The following LRRTM4 variants were observed in gnomAD, a reference collection of about 807,000 sequenced individuals.
LRRTM4 encodes the protein leucine rich repeat transmembrane neuronal 4, also known as leucine-rich repeat transmembrane neuronal protein 4.
LRRTM4 carries 25 observed loss-of-function variants against 47.6 expected under a neutral mutation model. The observed-to-expected ratio is 0.53, with a 90% CI of 0.38 to 0.73. The LOEUF is 0.73. Among genes scored for constraint, LRRTM4 ranks in the 30% least tolerant of loss-of-function variants. LRRTM4 has a pLI of 0.00. For synonymous variants in LRRTM4, 311 were observed against 269.5 expected (o/e 1.15, Z -1.51); for missense variants, 638 against 713.4 (o/e 0.89, Z 1.20).
Position 77,291,470 on chromosome 2 carries a change from T to A in LRRTM4, c.1551+226848A>T, listed in dbSNP as rs78104991. Among the ~76,000 whole-genome samples the A allele has an allele frequency of 6.1e-3, 934 of 152,226 alleles. 12 individuals carry two copies. The highest frequency in any genetic ancestry group is 0.02 in the African/African-American group (849 of 41,564). The stretch of plus-strand genomic sequence containing the variant: ...TTAAGAAGCCATGAATTCGTTTGCA[T>A]GTACATAGGTCTGTCTTATTTAAGT... On this transcript the variant is annotated intron_variant, in intron 3 of 3. Transcript: ENST00000409884.
chr2:77,035,967 G>A (rs1405641402), intron 3 of LRRTM4, among the ~76,000 whole-genome samples: 2 of 151,792 alleles, frequency 1.3e-5, no homozygotes, highest in African/African-American at 4.8e-5. Flanking sequence ...CCTCTCTAGA[G>A]TGTTACAGTG....
chr2:77,363,154 T>G (rs1341767621), intron 3 of LRRTM4, among the ~76,000 whole-genome samples: 1 of 152,224 alleles, frequency 6.6e-6, no homozygotes, highest in Non-Finnish European at 1.5e-5. Context: ...GTGTTATTTG[T>G]CCCTTTAGAA....
At chr2:77,353,407 C>G (rs1382597168) in intron 3 of LRRTM4, among the ~76,000 whole-genome samples, 1 of 152,138 alleles carries the variant, frequency 6.6e-6, no homozygotes, top group Non-Finnish European at 1.5e-5. Context: ...GTAAATTCCT[C>G]AATGACATGC....
chr2:76,968,704 A>G (rs1000683487), intron 3 of LRRTM4, among the ~76,000 whole-genome samples: 1 of 151,610 alleles, frequency 6.6e-6, no homozygotes, highest in African/African-American at 2.4e-5. Context: ...CATGATGTCT[A>G]GTAAATCCAC....
chr2:77,456,198 C>T (rs1055848907), intron 3 of LRRTM4, among the ~76,000 whole-genome samples: 2 of 152,100 alleles, frequency 1.3e-5, no homozygotes, highest in African/African-American at 4.8e-5. Flanking sequence ...TCATTTAATC[C>T]ATAAATTCCT....
chr2:77,042,837 GACCTCTCCCACTCT>G (rs1336627968), intron 3 of LRRTM4, among the ~76,000 whole-genome samples: 3 of 151,630 alleles, frequency 2.0e-5, no homozygotes, highest in Admixed American at 1.3e-4. Context: ...CCAACTTTCT[GACCTCTCCCACTCT>G]TCTTAGACAA....
chr2:77,486,932 A>G (rs1449096513), intron 3 of LRRTM4, among the ~76,000 whole-genome samples: 2 of 152,258 alleles, frequency 1.3e-5, no homozygotes, highest in East Asian at 3.8e-4. Context: ...TACATGCAGA[A>G]AAAAACGCAA....
At chr2:76,935,835 C>G (rs1056050038) in intron 3 of LRRTM4, among the ~76,000 whole-genome samples, 6 of 152,148 alleles carry the variant, frequency 3.9e-5, no homozygotes, top group African/African-American at 1.4e-4. Context: ...CTCTTTATTT[C>G]TCTCCCTTGC....
At chr2:76,993,240 A>G (rs1352861799) in intron 3 of LRRTM4, among the ~76,000 whole-genome samples, 1 of 151,914 alleles carries the variant, frequency 6.6e-6, no homozygotes, top group African/African-American at 2.4e-5. Flanking sequence ...GTCCTCAAAA[A>G]CAATTGCAAC....
At position 77,518,658 on chromosome 2, in the gene LRRTM4, G is replaced by A. The variant is rs753240332; in HGVS notation, c.1211C>T (p.Pro404Leu). ...VTQSTFETPS[P>L]SPGFQIPGAE... ...GCCAGGAATCTGAAACCCTGGGGAA[G>A]GGCTTGGTGTTTCAAAGGTGGATTG... is the stretch of plus-strand genomic sequence containing the variant. The change falls in exon 3 of 4, where the codon CCT (proline) becomes CTT (leucine). Residue 404 changes from proline (P) to leucine (L), a missense_variant. Coordinates refer to ENST00000409884, the MANE Select transcript of LRRTM4 (RefSeq NM_001134745.3). 1.2e-6 allele frequency: 2 copies of A among 1,613,340 alleles called. No individual in the cohort carries two copies. Among genetic ancestry groups the A allele is most frequent in the African/African-American group, 1.3e-5 (1 of 74,872 alleles).
chr2:76,908,980 T>A (rs912902229), intron 3 of LRRTM4, among the ~76,000 whole-genome samples: 1 of 152,132 alleles, frequency 6.6e-6, no homozygotes, highest in Non-Finnish European at 1.5e-5. Context: ...CTTCACAGAA[T>A]TGGAAAAAAC....
chr2:76,801,928 A>G (rs1456849581), intron 3 of LRRTM4, among the ~76,000 whole-genome samples: 1 of 152,184 alleles, frequency 6.6e-6, no homozygotes, highest in Non-Finnish European at 1.5e-5. Flanking sequence ...ACATCTTTTC[A>G]TGGTAAAGAC....
rs754823684 is a variant in LRRTM4, at chr2:77,518,800, A to G, written c.1069T>C (p.Tyr357His). The G allele has an allele frequency of 7.4e-6, 12 of 1,612,250 alleles. No individual in the cohort carries two copies. The Admixed American group carries it at 8.4e-5, about 11-fold the overall frequency. The change falls in exon 3 of 4, where the codon TAT (tyrosine) becomes CAT (histidine). Residue 357 changes from tyrosine to histidine, a missense_variant. Coordinates refer to ENST00000409884, the MANE Select transcript of LRRTM4 (RefSeq NM_001134745.3). ...GEKVSDAVET[Y>H]NICSEVQVVN... is the part of the protein sequence containing the mutation. ...ACCTGGACTTCAGAACAGATATTAT[A>G]TGTTTCCACTGCATCACTAACCTTT...
Position 77,283,720 on chromosome 2 carries a change from GC to G in LRRTM4, c.1551+234597del, listed in dbSNP as rs559337939. Reference sequence around the variant, plus strand: ...TTATCCTAAGCAAATTAATGCAGGAGCAAAAAATCAAAATACCGCATGTTCT... The same window carrying G: ...TTATCCTAAGCAAATTAATGCAGGAGAAAAAATCAAAATACCGCATGTTCT... On this transcript the variant is annotated intron_variant, in intron 3 of 3. Transcript: ENST00000409884. Among the ~76,000 whole-genome samples the G allele has an allele frequency of 3.4e-3, 516 of 152,072 alleles. 3 individuals carry two copies. Among genetic ancestry groups the G allele is most frequent in the African/African-American group, 0.011 (477 of 41,484 alleles).
chr2:77,032,304 T>G (rs989861013), intron 3 of LRRTM4, among the ~76,000 whole-genome samples: 2 of 152,116 alleles, frequency 1.3e-5, no homozygotes, highest in African/African-American at 4.8e-5. Context: ...ATCAGAGAGG[T>G]TAGTCTAATC....
At chr2:77,258,401 T>A (rs1486522981) in intron 3 of LRRTM4, among the ~76,000 whole-genome samples, 1 of 152,090 alleles carries the variant, frequency 6.6e-6, no homozygotes, top group Non-Finnish European at 1.5e-5. Flanking sequence ...GTTTCATGAA[T>A]GTACTCATGC....
At chr2:77,074,975 ATT>A (rs1437297592) in intron 3 of LRRTM4, among the ~76,000 whole-genome samples, 3 of 152,188 alleles carry the variant, frequency 2.0e-5, no homozygotes, top group Non-Finnish European at 2.9e-5. Context: ...GTGGAAACGT[ATT>A]TACCACCATA....
At chr2:76,781,003 G>T (rs912853444) in intron 3 of LRRTM4, among the ~76,000 whole-genome samples, 6 of 152,378 alleles carry the variant, frequency 3.9e-5, no homozygotes, top group Admixed American at 3.3e-4. Context: ...CTGCAGGTCT[G>T]TTGGAATACC....
intron 3 of LRRTM4, among the ~76,000 whole-genome samples, chr2:76,824,715 G>T (rs1385207575): frequency 6.6e-6 from 1 of 151,322 alleles, no homozygotes; most frequent in Non-Finnish European, 1.5e-5. Flanking sequence ...GCAAAGGAGT[G>T]TTAGCAATCT....
Sources: allele counts gnomAD v4.1 joint callset (sites outside exome capture counted in the v4.1 genomes callset), GRCh38; gene constraint gnomAD v4.1.1; transcripts MANE v1.5; gene names NCBI Gene and HGNC (gene_info 2026-07-23, HGNC 2026-07-21).